Variants in FRMD3 observed in about 807,000 individuals in gnomAD.
FRMD3 encodes the protein FERM domain containing 3.
FRMD3 carries 33 observed loss-of-function variants against 70.2 expected under a neutral mutation model. That is an observed-to-expected ratio of 0.47 (90% CI 0.36 to 0.63). The LOEUF is 0.63. Among genes scored for constraint, FRMD3 ranks in the 20% least tolerant of loss-of-function variants. The pLI is 0.00. For missense variants in FRMD3, 632 were observed against 711.4 expected, an observed-to-expected ratio of 0.89 and a Z score of 1.27; for synonymous variants, 279 against 255.9, an observed-to-expected ratio of 1.09 and a Z score of -0.86.
At chr9:83,259,960 G>T (rs891259214) in intron 13 of FRMD3, among the ~76,000 whole-genome samples, 1 of 152,132 alleles carries the variant, frequency 6.6e-6, no homozygotes, top group Non-Finnish European at 1.5e-5. Flanking sequence ...GGAGTGAAAA[G>T]AGCAGTGGCC....
At chr9:83,497,273 T>C (rs1455513094) in intron 1 of FRMD3, among the ~76,000 whole-genome samples, 1 of 152,178 alleles carries the variant, frequency 6.6e-6, no homozygotes, top group Non-Finnish European at 1.5e-5. Context: ...TTACCATAAC[T>C]TTTTTATTTA....
intron 1 of FRMD3, among the ~76,000 whole-genome samples, chr9:83,445,400 G>A (rs1418947609): frequency 6.7e-6 from 1 of 148,984 alleles, no homozygotes; most frequent in Non-Finnish European, 1.5e-5. Context: ...ATAAGATACT[G>A]CTGGCTGACA....
At chr9:83,298,417 A>T (rs1026670061) in intron 12 of FRMD3, among the ~76,000 whole-genome samples, 1 of 152,222 alleles carries the variant, frequency 6.6e-6, no homozygotes, top group African/African-American at 2.4e-5. Context: ...ACAGGCAGGA[A>T]CAGAGAACTT....
chr9:83,392,153 G>A (rs939051250), intron 1 of FRMD3, among the ~76,000 whole-genome samples: 6 of 151,838 alleles, frequency 4.0e-5, no homozygotes, highest in Non-Finnish European at 8.8e-5. Flanking sequence ...TCCTGCCTTG[G>A]GTACACAAGC....
chr9:83,277,372 A>AT (rs550015687), intron 13 of FRMD3, among the ~76,000 whole-genome samples: 15 of 151,786 alleles, frequency 9.9e-5, no homozygotes, highest in Admixed American at 3.3e-4. Context: ...TGACTATGGT[A>AT]TTTTTTTTAA....
the FRMD3 span, among the ~76,000 whole-genome samples, chr9:83,544,543 A>G: frequency 2.6e-5 from 4 of 152,164 alleles, no homozygotes; most frequent in Admixed American, 2.6e-4. Context: ...GTATATACCC[A>G]TCTGCGTCTG....
Position 83,375,869 on chromosome 9 carries a change from GT to G in FRMD3, c.253-2915del, listed in dbSNP as rs1316136753. Reference sequence around the variant, plus strand: ...CTGCACATGTACCCCTAACTTAAAAGTTAAAAAAGACCGGGCGCAGTGGCTC... The same window carrying G: ...CTGCACATGTACCCCTAACTTAAAAGTAAAAAAGACCGGGCGCAGTGGCTC... On this transcript the variant is annotated intron_variant, in intron 2 of 13. Transcript: ENST00000304195. Among the ~76,000 whole-genome samples the G allele has an allele frequency of 4.6e-5, 7 of 152,166 alleles. No individual in the cohort carries two copies. The East Asian group carries it at 1.2e-3, about 25-fold the overall frequency.
At chr9:83,313,885 A>G (rs1374529883) in intron 6 of FRMD3, 138 bp from the exon 7 acceptor site, 2 of 633,544 alleles carry the variant, frequency 3.2e-6, no homozygotes. Context: ...AGTAAGACTG[A>G]TCATTATTTC....
chr9:83,416,757 C>CTG (rs1826459960), intron 1 of FRMD3, among the ~76,000 whole-genome samples: 1 of 108,804 alleles, frequency 9.2e-6, no homozygotes, highest in South Asian at 3.5e-4. Flanking sequence ...CTCTCTCTCT[C>CTG]TCTCTCTCTC....
At chr9:83,494,317 T>C (rs545162697) in intron 1 of FRMD3, among the ~76,000 whole-genome samples, 6 of 152,238 alleles carry the variant, frequency 3.9e-5, no homozygotes, top group Non-Finnish European at 7.3e-5. Flanking sequence ...TATTCTAAGA[T>C]AGTGAATACT....
intron 10 of FRMD3, among the ~76,000 whole-genome samples, chr9:83,301,516 T>A (rs1331572146): frequency 1.2e-5 from 1 of 83,170 alleles, no homozygotes. Context: ...TGGGACAAAG[T>A]GGTTGGCTTA....
intron 1 of FRMD3, among the ~76,000 whole-genome samples, chr9:83,401,923 TA>T (rs1319350271): frequency 2.6e-5 from 4 of 152,168 alleles, no homozygotes; most frequent in Non-Finnish European, 5.9e-5. Flanking sequence ...ACACTGGGTT[TA>T]ATTAGCATAG....
At chr9:83,503,416 C>T (rs189945947) in intron 1 of FRMD3, among the ~76,000 whole-genome samples, 415 of 152,266 alleles carry the variant, frequency 2.7e-3, no homozygotes, top group African/African-American at 9.5e-3. Context: ...AAGCTGACAA[C>T]CAGTAAGAAA....
intron 1 of FRMD3, among the ~76,000 whole-genome samples, chr9:83,504,506 A>G (rs1191346273): frequency 2.0e-5 from 3 of 151,644 alleles, no homozygotes; most frequent in South Asian, 2.1e-4. Flanking sequence ...CCTCCCTCAC[A>G]TTCCTCACAC....
At chr9:83,496,412 T>C (rs6559729) in intron 1 of FRMD3, among the ~76,000 whole-genome samples, 100,922 of 151,790 alleles carry the variant, frequency 0.66, 34,034 homozygotes, top group African/African-American at 0.78. Flanking sequence ...CTACTCCCCA[T>C]CACTCAACCA....
chr9:83,360,122 C>T (rs972327971), intron 3 of FRMD3, among the ~76,000 whole-genome samples: 47 of 152,158 alleles, frequency 3.1e-4, no homozygotes, highest in African/African-American at 1.1e-3. Flanking sequence ...CTGCCTGAGC[C>T]GAGGGTACAA....
intron 1 of FRMD3, among the ~76,000 whole-genome samples, chr9:83,503,202 A>T (rs187104611): frequency 6.6e-6 from 1 of 152,180 alleles, no homozygotes; most frequent in African/African-American, 2.4e-5. Flanking sequence ...GCTATGTTAC[A>T]TGGCACAATT....
At chr9:83,450,146 G>A (rs778964575) in intron 1 of FRMD3, among the ~76,000 whole-genome samples, 3 of 151,966 alleles carry the variant, frequency 2.0e-5, no homozygotes, top group Non-Finnish European at 4.4e-5. Flanking sequence ...AAATTAGACG[G>A]CAAAGCCTGG....
chr9:83,389,557 T>G, intron 2 of FRMD3, 47 bp downstream of exon 2: 1 of 1,268,028 alleles, frequency 7.9e-7, no homozygotes, highest in Non-Finnish European at 1.2e-6. Flanking sequence ...TGCACCACAG[T>G]CTGGGTCACT....
Sources: gnomAD v4.1 joint callset for allele counts (sites outside exome capture counted in the v4.1 genomes callset) on GRCh38, gnomAD v4.1.1 for gene constraint, MANE v1.5 for transcripts, NCBI Gene and HGNC (gene_info 2026-07-23, HGNC 2026-07-21) for gene names.